Variants in SIPA1L2 observed in about 807,000 individuals in gnomAD.
SIPA1L2 encodes the protein signal-induced proliferation-associated 1-like protein 2.
SIPA1L2 carries 56 observed loss-of-function variants against 163.9 expected under a neutral mutation model. The ratio of observed to expected loss-of-function variants is 0.34; its 90% CI spans 0.28 to 0.43. SIPA1L2 has a LOEUF of 0.43. SIPA1L2 is among the 20% of genes least tolerant of loss of function. The probability of loss-of-function intolerance (pLI) is 1.00; values close to 1 mark genes in which losing one functional copy is unlikely to be tolerated. For missense variants in SIPA1L2, 1,974 were observed against 2,193.5 expected, an observed-to-expected ratio of 0.90 and a Z score of 2.00; for synonymous variants, 877 against 865.7, an observed-to-expected ratio of 1.01 and a Z score of -0.23.
chr1:232,541,502 ATAATT>A (rs1347656337), intron 2 of SIPA1L2, among the ~76,000 whole-genome samples: 1 of 152,180 alleles, frequency 6.6e-6, no homozygotes, highest in East Asian at 1.9e-4. Context: ...AACCAGATAG[ATAATT>A]TATTTTTCCC....
At chr1:232,431,172 C>CTTGG (rs1253858506) in intron 16 of SIPA1L2, among the ~76,000 whole-genome samples, 2 of 152,168 alleles carry the variant, frequency 1.3e-5, no homozygotes, top group Non-Finnish European at 2.9e-5. Context: ...TTAAAAAAGG[C>CTTGG]TTGGAATGAA....
intron 2 of SIPA1L2, among the ~76,000 whole-genome samples, chr1:232,535,875 A>G (rs1657274287): frequency 6.6e-6 from 1 of 152,250 alleles, no homozygotes; most frequent in South Asian, 2.1e-4. Context: ...AAACAGAAAT[A>G]TAAGTGAGGC....
intron 2 of SIPA1L2, among the ~76,000 whole-genome samples, chr1:232,550,107 T>C (rs1558262038): frequency 6.6e-6 from 1 of 152,220 alleles, no homozygotes; most frequent in East Asian, 1.9e-4. Flanking sequence ...TTTCAGATTT[T>C]TGTTGTGGTT....
At position 232,425,739 on chromosome 1, in the gene SIPA1L2, T is replaced by C. The variant is rs1661858503; in HGVS notation, c.4480A>G (p.Ser1494Gly). The C allele has an allele frequency of 6.2e-7, 1 of 1,614,028 alleles. No homozygotes were observed. The highest frequency in any genetic ancestry group is 1.3e-5 in the African/African-American group (1 of 74,932). ...CCAAAGGAGGACCCCCTCCTGTTGC[T>C]GCAGATGCTCTCGTCAGACAGCGTG... ...YRTLSDESIC[S>G]NRRGSSFGSS... The change falls in exon 18 of 23, where the codon AGC (serine) becomes GGC (glycine). Residue 1494 changes from serine (S) to glycine (G), a missense_variant. Coordinates refer to ENST00000674635, the MANE Select transcript of SIPA1L2 (RefSeq NM_020808.5).
At chr1:232,536,350 T>C (rs1051138120) in intron 2 of SIPA1L2, among the ~76,000 whole-genome samples, 1 of 152,184 alleles carries the variant, frequency 6.6e-6, no homozygotes, top group Admixed American at 6.5e-5. Flanking sequence ...AAAACACCTT[T>C]AAGGAAAACT....
intron 1 of SIPA1L2, among the ~76,000 whole-genome samples, chr1:232,601,874 G>T (rs1195931802): frequency 6.6e-6 from 1 of 152,140 alleles, no homozygotes; most frequent in Non-Finnish European, 1.5e-5. Context: ...CTCATAATAT[G>T]TTTAACAATT....
At chr1:232,473,897 C>T (rs901445223) in intron 7 of SIPA1L2, among the ~76,000 whole-genome samples, 10 of 152,140 alleles carry the variant, frequency 6.6e-5, no homozygotes, top group African/African-American at 2.2e-4. Flanking sequence ...GAATTTGCTT[C>T]AGAGACTAAA....
At chr1:232,605,408 C>T (rs549500060) in intron 1 of SIPA1L2, among the ~76,000 whole-genome samples, 2 of 152,312 alleles carry the variant, frequency 1.3e-5, no homozygotes, top group South Asian at 4.1e-4. Flanking sequence ...ATAGAAGTTA[C>T]TCCCAGCTGG....
At chr1:232,516,465 C>T (rs1437231061) in intron 2 of SIPA1L2, among the ~76,000 whole-genome samples, 4 of 152,270 alleles carry the variant, frequency 2.6e-5, no homozygotes, top group Middle Eastern at 3.4e-3. Context: ...AAGATGCAGT[C>T]ATTTATCTTA....
At chr1:232,472,567 C>G (rs761303987) in intron 7 of SIPA1L2, among the ~76,000 whole-genome samples, 1 of 152,200 alleles carries the variant, frequency 6.6e-6, no homozygotes, top group East Asian at 1.9e-4. Context: ...TAAAGGCACT[C>G]GGTAAGCTTA....
At chr1:232,424,829 GA>G (rs1158946126) in intron 18 of SIPA1L2, among the ~76,000 whole-genome samples, 3 of 151,598 alleles carry the variant, frequency 2.0e-5, no homozygotes, top group South Asian at 2.1e-4. Flanking sequence ...GTGATGAAAT[GA>G]AAAAAAACTT....
At chr1:232,443,742 ACC>A in intron 11 of SIPA1L2, 57 bp from the exon 12 acceptor site, 2 of 1,387,824 alleles carry the variant, frequency 1.4e-6, no homozygotes, top group Non-Finnish European at 2.0e-6. Context: ...AAGCCCCTTG[ACC>A]TGGCCTGTTT....
chr1:232,424,236 T>G (rs1376069866), intron 18 of SIPA1L2, among the ~76,000 whole-genome samples: 1 of 147,402 alleles, frequency 6.8e-6, no homozygotes, highest in African/African-American at 2.5e-5. Context: ...GAAAATGTGT[T>G]GAGGAGGTAT....
intron 19 of SIPA1L2, among the ~76,000 whole-genome samples, chr1:232,410,895 G>T (rs1660915979): frequency 6.6e-6 from 1 of 152,162 alleles, no homozygotes; most frequent in Non-Finnish European, 1.5e-5. Flanking sequence ...GAAGCTAGGG[G>T]TTAGGGTGGT....
intron 11 of SIPA1L2, among the ~76,000 whole-genome samples, chr1:232,444,788 G>A (rs1663111012): frequency 6.6e-6 from 1 of 152,162 alleles, no homozygotes; most frequent in African/African-American, 2.4e-5. Flanking sequence ...TAAGTTAAGA[G>A]CTGTGATTCC....
At chr1:232,484,048 G>A in intron 5 of SIPA1L2, 82 bp from the exon 6 acceptor site, 1 of 1,345,980 alleles carries the variant, frequency 7.4e-7, no homozygotes, top group Non-Finnish European at 1.0e-6. Context: ...TACAGAAGCT[G>A]AGAATTGTTC....
intron 10 of SIPA1L2, among the ~76,000 whole-genome samples, chr1:232,458,966 G>C (rs985185420): frequency 1.3e-5 from 2 of 152,106 alleles, no homozygotes; most frequent in African/African-American, 4.8e-5. Flanking sequence ...ATCTTAACAC[G>C]GGACTGATAC....
chr1:232,440,542 G>A (rs1662827991), intron 14 of SIPA1L2, among the ~76,000 whole-genome samples: 1 of 152,218 alleles, frequency 6.6e-6, no homozygotes. Context: ...CGCGGTCACA[G>A]CTGAGGGAAG....
chr1:232,604,816 T>A (rs1233360270), intron 1 of SIPA1L2, among the ~76,000 whole-genome samples: 1 of 152,056 alleles, frequency 6.6e-6, no homozygotes, highest in African/African-American at 2.4e-5. Context: ...ACCCCTCTCC[T>A]CTCTTCCTCC....
Sources: allele counts gnomAD v4.1 joint callset (sites outside exome capture counted in the v4.1 genomes callset), GRCh38; gene constraint gnomAD v4.1.1; transcripts MANE v1.5; gene names NCBI Gene and HGNC (gene_info 2026-07-23, HGNC 2026-07-21).